The following TRIML2 variants were observed in gnomAD, a reference collection of about 807,000 sequenced individuals.
TRIML2 encodes the protein probable E3 ubiquitin-protein ligase TRIML2.
In TRIML2, 28 loss-of-function variants were observed where a neutral mutation model predicts 31.2. That is an observed-to-expected ratio of 0.90 (90% CI 0.66 to 1.23). The LOEUF (loss-of-function observed/expected upper bound fraction) is 1.23, where lower values mean the gene tolerates loss of function less well. TRIML2 is among the 50% of genes most tolerant of loss of function. The pLI, the probability that TRIML2 is intolerant of heterozygous loss-of-function variation, is 0.00. For missense variants in TRIML2, 536 were observed against 528.3 expected (o/e 1.01, Z -0.14); for synonymous variants, 187 against 197.5 (o/e 0.95, Z 0.45).
intron 7 of TRIML2, among the ~76,000 whole-genome samples, chr4:188,094,016 G>GGGA (rs1261287691): frequency 6.6e-6 from 1 of 151,970 alleles, no homozygotes; most frequent in Non-Finnish European, 1.5e-5. Context: ...GTTTGAATCT[G>GGGA]GGAGGAGGAG....
At chr4:188,101,958 G>A (rs1482802619) in intron 3 of TRIML2, among the ~76,000 whole-genome samples, 10 of 151,126 alleles carry the variant, frequency 6.6e-5, no homozygotes, top group Non-Finnish European at 1.2e-4. Context: ...GTGAAACCCC[G>A]TCTCTACTAA....
At chr4:188,095,460 C>T (rs1170032043) in intron 7 of TRIML2, among the ~76,000 whole-genome samples, 1 of 152,104 alleles carries the variant, frequency 6.6e-6, no homozygotes, top group Non-Finnish European at 1.5e-5. Context: ...GGGGTTTGTA[C>T]ATGTATTTCA....
intron 3 of TRIML2, among the ~76,000 whole-genome samples, chr4:188,102,435 C>T (rs1733840803): frequency 6.6e-6 from 1 of 152,012 alleles, no homozygotes; most frequent in Non-Finnish European, 1.5e-5. Context: ...ATTAGACATC[C>T]AAGTAAAGAT....
chr4:188,092,004 T>C (rs1733285581), intron 7 of TRIML2, 63 bp from the exon 8 acceptor site: 1 of 1,514,426 alleles, frequency 6.6e-7, no homozygotes, highest in Admixed American at 1.8e-5. Context: ...AGAGACATGA[T>C]TTCTAACACA....
Position 188,091,291 on chromosome 4 carries a change from G to T in TRIML2, c.*82C>A. On this transcript the variant is annotated 3_prime_UTR_variant, in exon 8 of 8. Coordinates refer to ENST00000682553, the MANE Select transcript of TRIML2 (RefSeq NM_173553.4). ...TCCTACTCCTGGAACGCTTTTTATT[G>T]GGTTAGTTTACACAAATTCTTTCAA... The T allele has an allele frequency of 7.4e-7, 1 of 1,357,338 alleles. No individual in the cohort carries two copies. The allele number at this position is 1,357,338 out of a possible 1,614,324, so 84.1% of individuals were successfully genotyped here. A position where few individuals can be genotyped will look rare whatever the true frequency, so the allele number is the denominator to read the frequency against.
Position 188,097,581 on chromosome 4 carries a change from A to G in TRIML2, c.622-235T>C, listed in dbSNP as rs1217877972. The stretch of plus-strand genomic sequence containing the variant: ...AGGTTTTCTATCCCTCACCCCAGGC[A>G]TCTTACTCAGAGCCATCATTTCTCA... On this transcript the variant is annotated intron_variant, in intron 5 of 7. Coordinates refer to ENST00000682553, the MANE Select transcript of TRIML2 (RefSeq NM_173553.4). Among the ~76,000 whole-genome samples, 3 of 152,136 alleles carry G rather than the reference A, an allele frequency of 2.0e-5. No homozygotes were observed. The East Asian group carries it at 5.8e-4, about 29-fold the overall frequency.
intron 7 of TRIML2, among the ~76,000 whole-genome samples, chr4:188,093,332 G>T (rs1007255467): frequency 6.6e-6 from 1 of 152,170 alleles, no homozygotes; most frequent in African/African-American, 2.4e-5. Flanking sequence ...GAGACTCTCA[G>T]TATTTCCAGG....
intron 7 of TRIML2, among the ~76,000 whole-genome samples, chr4:188,094,321 G>C (rs879839579): frequency 6.6e-6 from 1 of 152,096 alleles, no homozygotes; most frequent in Non-Finnish European, 1.5e-5. Context: ...GACTGGAAAG[G>C]CAGAAATAAA....
chr4:188,096,454 C>T (rs892940673), intron 7 of TRIML2, among the ~76,000 whole-genome samples: 5 of 136,628 alleles, frequency 3.7e-5, no homozygotes, highest in African/African-American at 1.1e-4. Context: ...ATCACTTGAA[C>T]CCAGGAGGGG....
intron 3 of TRIML2, among the ~76,000 whole-genome samples, chr4:188,103,168 A>G (rs1259617520): frequency 6.6e-6 from 1 of 151,436 alleles, no homozygotes; most frequent in Non-Finnish European, 1.5e-5. Flanking sequence ...ACCTGCCACC[A>G]CACCCGATTT....
chr4:188,105,784 C>G (rs140750687), intron 1 of TRIML2, 194 bp from the exon 2 acceptor site: 74 of 162,684 alleles, frequency 4.5e-4, no homozygotes, highest in Middle Eastern at 3.1e-3. Context: ...AGTGAGGTAA[C>G]AGAGTGCGAA....
chr4:188,093,009 C>G, intron 7 of TRIML2: 2 of 383,744 alleles, frequency 5.2e-6, no homozygotes, highest in Non-Finnish European at 1.0e-5. Flanking sequence ...GTTTGTGACT[C>G]GCTCCATAAA....
At chr4:188,092,752 G>A in intron 7 of TRIML2, 1 of 454,592 alleles carries the variant, frequency 2.2e-6, no homozygotes, top group South Asian at 1.6e-5. Context: ...ATCAGCGGAG[G>A]ATGGAACACC....
At position 188,091,813 on chromosome 4, in the gene TRIML2, T is replaced by C. The variant is rs1384980215; in HGVS notation, c.874A>G (p.Met292Val). 1.2e-6 allele frequency: 2 copies of C among 1,614,050 alleles called. No individual in the cohort carries two copies. Among genetic ancestry groups the C allele is most frequent in the Non-Finnish European group, 1.7e-6 (2 of 1,180,052 alleles). Residue 292 changes from methionine (M) to valine (V), a missense_variant, in exon 8 of 8, where the codon ATG (methionine) becomes GTG (valine). Transcript: ENST00000682553. ...GTGAAGCTCTCCGCAGCCAGCACCA[T>C]GGCACTGAAATCCAATCTTTCTGGG... ...GNPERLDFSA[M>V]VLAAESFTSG...
intron 4 of TRIML2, among the ~76,000 whole-genome samples, chr4:188,099,635 C>T (rs1378837483): frequency 1.3e-5 from 2 of 150,964 alleles, no homozygotes; most frequent in African/African-American, 2.4e-5. Flanking sequence ...CAGGAACAGA[C>T]ATAATTAGGC....
intron 3 of TRIML2, among the ~76,000 whole-genome samples, chr4:188,102,682 C>G (rs1393905056): frequency 1.3e-5 from 2 of 151,888 alleles, no homozygotes; most frequent in South Asian, 2.1e-4. Context: ...AACCCCGTCT[C>G]TACTAAAAAT....
chr4:188,107,091 T>G (rs1257922002), intron 1 of TRIML2, among the ~76,000 whole-genome samples: 1 of 117,410 alleles, frequency 8.5e-6, no homozygotes, highest in Non-Finnish European at 2.0e-5. Flanking sequence ...CTCAGCTCAC[T>G]GCAACCTCCG....
At chr4:188,093,415 T>C (rs2111155027) in intron 7 of TRIML2, among the ~76,000 whole-genome samples, 1 of 152,258 alleles carries the variant, frequency 6.6e-6, no homozygotes, top group African/African-American at 2.4e-5. Context: ...GGCTCACGCT[T>C]GTAATCCCAG....
At position 188,101,268 on chromosome 4, in the gene TRIML2, G is replaced by T; in HGVS notation, c.286-18C>A. The T allele has an allele frequency of 6.4e-7, 1 of 1,569,038 alleles. No individual in the cohort carries two copies. The highest frequency in any genetic ancestry group is 8.7e-7 in the Non-Finnish European group (1 of 1,147,902). On this transcript the variant is annotated intron_variant, in intron 3 of 7. Coordinates refer to ENST00000682553, the MANE Select transcript of TRIML2 (RefSeq NM_173553.4). ...TCCTCTTCCTTCCTCATATAGACAT[G>T]ATAGACTTCAGGTTAAACATGATAG...
Sources: gnomAD v4.1 joint callset for allele counts (sites outside exome capture counted in the v4.1 genomes callset) on GRCh38, gnomAD v4.1.1 for gene constraint, MANE v1.5 for transcripts, NCBI Gene and HGNC (gene_info 2026-07-23, HGNC 2026-07-21) for gene names.